Variants in NUCB1 observed in about 807,000 individuals in gnomAD.
NUCB1 encodes the protein nucleobindin-1.
A neutral mutation model predicts 61.2 loss-of-function variants in NUCB1; 47 were observed. The ratio of observed to expected loss-of-function variants is 0.77; its 90% confidence interval spans 0.61 to 0.98. The LOEUF (loss-of-function observed/expected upper bound fraction) is 0.98, where lower values mean the gene tolerates loss of function less well. NUCB1 is among the 50% of genes least tolerant of loss of function. The pLI is 0.00. For synonymous variants in NUCB1, 234 were observed against 243.1 expected (o/e 0.96, Z 0.35); for missense variants, 583 against 605.3 (o/e 0.96, Z 0.39).
chr19:48,916,674 T>G (rs1171267129), intron 7 of NUCB1, among the ~76,000 whole-genome samples: 1 of 151,554 alleles, frequency 6.6e-6, no homozygotes, highest in Non-Finnish European at 1.5e-5. Context: ...TCCCAGCACT[T>G]TCGGAGGCCA....
chr19:48,922,264 G>T, intron 12 of NUCB1, 54 bp from the exon 13 acceptor site: 1 of 1,480,560 alleles, frequency 6.8e-7, no homozygotes, highest in Admixed American at 1.7e-5. Flanking sequence ...CTGGGGTCCT[G>T]GGGGAGGAGG....
chr19:48,901,376 T>C (rs2037351776), intron 2 of NUCB1, among the ~76,000 whole-genome samples: 1 of 152,136 alleles, frequency 6.6e-6, no homozygotes, highest in African/African-American at 2.4e-5. Context: ...TCAAACCCAA[T>C]AAAAGCTTTG....
chr19:48,907,044 G>A (rs1340320950), intron 4 of NUCB1, among the ~76,000 whole-genome samples: 6 of 150,620 alleles, frequency 4.0e-5, no homozygotes, highest in Non-Finnish European at 8.8e-5. Context: ...GTGCAATCTC[G>A]GCTCACTGCA....
chr19:48,908,879 G>A (rs934689205), intron 4 of NUCB1, among the ~76,000 whole-genome samples: 6 of 151,964 alleles, frequency 3.9e-5, no homozygotes, highest in Admixed American at 6.6e-5. Flanking sequence ...ACATGCGTGC[G>A]GTAAGTGTGT....
Position 48,905,857 on chromosome 19 carries a change from G to A in NUCB1, c.348G>A (p.Lys116=). The change falls in exon 4 of 13, where the codon AAG becomes AAA. Residue 116 remains lysine (K), a synonymous_variant. Transcript: ENST00000405315. ...TGTCACGGCTGCGGATGCTGCTCAA[G>A]GCCAAGATGGACGCCGAGCAGGATC... ...QEVSRLRMLL[K]AKMDAEQDPN... 2 of 1,559,584 alleles carry A rather than the reference G, an allele frequency of 1.3e-6. No individual in the cohort carries two copies. The highest frequency in any genetic ancestry group is 1.7e-6 in the Non-Finnish European group (2 of 1,148,892).
At chr19:48,903,928 G>C (rs536196015) in intron 2 of NUCB1, among the ~76,000 whole-genome samples, 1 of 151,034 alleles carries the variant, frequency 6.6e-6, no homozygotes, top group African/African-American at 2.4e-5. Context: ...ATGGATGGGT[G>C]GGTGGGTGGA....
Position 48,904,415 on chromosome 19 carries a change from C to A in NUCB1, c.204C>A (p.Phe68Leu), listed in dbSNP as rs1007100947. Reference sequence around the variant, plus strand: ...ATGTACTGGAGACGGATGGGCATTTCCGAGAGAAGCTGCAGGCTGCCAATG... The same window carrying A: ...ATGTACTGGAGACGGATGGGCATTTACGAGAGAAGCTGCAGGCTGCCAATG... ...VIDVLETDGHFREKLQAANAE... is the reference protein window; with the variant it reads ...VIDVLETDGHLREKLQAANAE... Residue 68 changes from phenylalanine to leucine, a missense_variant, in exon 3 of 13, where the codon TTC becomes TTA. Phe to Leu is a conservative substitution (Grantham distance 22). Coordinates refer to ENST00000405315, the MANE Select transcript of NUCB1 (RefSeq NM_006184.6). The A allele has an allele frequency of 6.2e-7, 1 of 1,613,578 alleles. No individual in the cohort carries two copies. The highest frequency in any genetic ancestry group is 1.7e-5 in the Admixed American group (1 of 59,960).
At chr19:48,904,612 C>T (rs2037393027) in intron 3 of NUCB1, among the ~76,000 whole-genome samples, 158 bp downstream of exon 3, 1 of 151,810 alleles carries the variant, frequency 6.6e-6, no homozygotes, top group African/African-American at 2.4e-5. Flanking sequence ...GCACCTCCAC[C>T]CCGCAGGTTC....
chr19:48,903,264 G>A (rs1156393640), intron 2 of NUCB1, among the ~76,000 whole-genome samples: 1 of 152,126 alleles, frequency 6.6e-6, no homozygotes, highest in Non-Finnish European at 1.5e-5. Context: ...TACGCATGAC[G>A]GGGGTGGGAC....
At chr19:48,903,298 G>A (rs2037371444) in intron 2 of NUCB1, among the ~76,000 whole-genome samples, 1 of 152,060 alleles carries the variant, frequency 6.6e-6, no homozygotes, top group Non-Finnish European at 1.5e-5. Flanking sequence ...ACTTTTGTCT[G>A]TGTTGTTCAC....
chr19:48,919,462 T>A (rs2037582424), intron 10 of NUCB1, among the ~76,000 whole-genome samples, 176 bp downstream of exon 10: 1 of 149,204 alleles, frequency 6.7e-6, no homozygotes, highest in Non-Finnish European at 1.5e-5. Flanking sequence ...CTTATTTATT[T>A]ATTTATTTAT....
intron 8 of NUCB1, 104 bp from the exon 9 acceptor site, chr19:48,918,926 C>G: frequency 7.3e-7 from 1 of 1,369,278 alleles, no homozygotes; most frequent in Non-Finnish European, 1.0e-6. Context: ...AAAACGGCTC[C>G]CAGGAGTGGT....
intron 2 of NUCB1, among the ~76,000 whole-genome samples, chr19:48,904,078 C>CATGGATGGATGGATGGTTGG (rs2037386796): frequency 6.8e-6 from 1 of 146,226 alleles, no homozygotes; most frequent in Non-Finnish European, 1.5e-5. Context: ...TGGGTGGATG[C>CATGGATGGATGGATGGTTGG]ATGGATGGAT....
Position 48,919,155 on chromosome 19 carries a change from G to A in NUCB1, c.909+33G>A, listed in dbSNP as rs200842776. 6.2e-6 allele frequency: 10 copies of A among 1,613,612 alleles called. No homozygotes were observed. The East Asian group carries it at 2.2e-4, about 36-fold the overall frequency. On this transcript the variant is annotated intron_variant, in intron 9 of 12. Transcript: ENST00000405315. ...GGGGGCCAGGCGGGGGAGAGGACGG[G>A]CCCCCAGCTCTGTCACTCACCCTTA...
At position 48,913,086 on chromosome 19, in the gene NUCB1, G is replaced by A. The variant is rs769511036; in HGVS notation, c.556G>A (p.Glu186Lys). The A allele has an allele frequency of 2.4e-5, 38 of 1,613,594 alleles. No homozygotes were observed. The highest frequency in any genetic ancestry group is 1.1e-4 in the East Asian group (5 of 44,880). Residue 186 changes from glutamate (E) to lysine (K), a missense_variant, in exon 6 of 13, where the codon GAG becomes AAG. Glu to Lys is a moderately conservative substitution (Grantham distance 56, BLOSUM62 1). Coordinates refer to ENST00000405315, the MANE Select transcript of NUCB1 (RefSeq NM_006184.6). ...FKRYEMLKEH[E>K]RRRYLESLGE... ...GCGCTACGAGATGCTTAAGGAACAC[G>A]AGAGACGGCGTTATCTGGAGTCACT...
chr19:48,915,397 C>T (rs2037528022), intron 7 of NUCB1, among the ~76,000 whole-genome samples: 1 of 152,066 alleles, frequency 6.6e-6, no homozygotes, highest in African/African-American at 2.4e-5. Context: ...ACTCAGGAGG[C>T]TGAGGTAGGA....
At position 48,919,302 on chromosome 19, in the gene NUCB1, A is replaced by T; in HGVS notation, c.1002+16A>T. 6.3e-7 allele frequency: 1 copy of T among 1,588,716 alleles called. No homozygotes were observed. The highest frequency in any genetic ancestry group is 8.6e-7 in the Non-Finnish European group (1 of 1,157,556). On this transcript the variant is annotated intron_variant, in intron 10 of 12. Transcript: ENST00000405315. ...GGGCTGGGAGGTGAGAACATGGGGG[A>T]TACTCGGGGTCCTGAACCTCTCTCT...
chr19:48,909,249 ATTT>A (rs111606719), intron 4 of NUCB1, among the ~76,000 whole-genome samples: 15 of 136,848 alleles, frequency 1.1e-4, no homozygotes, highest in African/African-American at 4.1e-4. Flanking sequence ...TATTATTATT[ATTT>A]TTTTTTTTTT....
chr19:48,922,233 G>A, intron 12 of NUCB1, 85 bp from the exon 13 acceptor site: 2 of 1,137,458 alleles, frequency 1.8e-6, no homozygotes, highest in Non-Finnish European at 1.3e-6. Flanking sequence ...CCCTGGGTGT[G>A]AGGGAGGAGG....
Sources: allele counts gnomAD v4.1 joint callset (sites outside exome capture counted in the v4.1 genomes callset), GRCh38; gene constraint gnomAD v4.1.1; transcripts MANE v1.5; gene names NCBI Gene and HGNC (gene_info 2026-07-23, HGNC 2026-07-21).